The following MARCHF1 variants were observed in gnomAD, a reference collection of about 807,000 sequenced individuals.
The protein encoded by MARCHF1 is E3 ubiquitin-protein ligase MARCHF1.
MARCHF1 carries 40 observed loss-of-function variants against 54.2 expected under a neutral mutation model. The ratio of observed to expected loss-of-function variants is 0.74; its 90% CI spans 0.57 to 0.96. The LOEUF is 0.96. Ranked by LOEUF, MARCHF1 falls within the 40% of genes least tolerant of loss-of-function variation. The pLI, the probability that MARCHF1 is intolerant of heterozygous loss-of-function variation, is 0.00. For missense variants in MARCHF1, 586 were observed against 656.5 expected, an observed-to-expected ratio of 0.89 and a Z score of 1.17; for synonymous variants, 236 against 236.3, an observed-to-expected ratio of 1.00 and a Z score of 0.01.
rs948562610 is a variant in MARCHF1, at chr4:163,654,015, T to C, written c.163-40622A>G. 4.0e-5 allele frequency among the ~76,000 whole-genome samples: 6 copies of C among 151,640 alleles called. No homozygotes were observed. The East Asian group carries it at 9.7e-4, about 25-fold the overall frequency. On this transcript the variant is annotated intron_variant, in intron 5 of 9. Coordinates refer to ENST00000514618, the MANE Select transcript of MARCHF1 (RefSeq NM_001394959.1). ...ATATTAGAGTTCAGAAAGGTAAAGA[T>C]AAATCATTAAGAACCACCATGAATA...
chr4:163,777,910 TC>T (rs1421960295), intron 4 of MARCHF1, among the ~76,000 whole-genome samples: 2 of 152,160 alleles, frequency 1.3e-5, no homozygotes, highest in Admixed American at 1.3e-4. Context: ...CCCTGGGGTT[TC>T]TTTGCAGTCA....
intron 4 of MARCHF1, among the ~76,000 whole-genome samples, chr4:163,807,385 AGCAAC>A (rs1326384186): frequency 6.6e-6 from 1 of 152,184 alleles, no homozygotes; most frequent in Non-Finnish European, 1.5e-5. Flanking sequence ...CTGTTTTGGA[AGCAAC>A]TTAATACTTT....
intron 1 of MARCHF1, among the ~76,000 whole-genome samples, chr4:164,132,932 A>T (rs1756332057): frequency 6.6e-6 from 1 of 152,104 alleles, no homozygotes; most frequent in South Asian, 2.1e-4. Flanking sequence ...CTGTGTCATA[A>T]ATTTATCCAG....
intron 3 of MARCHF1, among the ~76,000 whole-genome samples, chr4:163,896,874 C>G (rs1421405589): frequency 6.6e-6 from 1 of 152,132 alleles, no homozygotes; most frequent in Non-Finnish European, 1.5e-5. Context: ...CCCGCTTCCT[C>G]TCTAAAACTC....
rs557327422 is a variant in MARCHF1, at chr4:163,590,930, G to A, written c.1011-5001C>T. Among the ~76,000 whole-genome samples the A allele has an allele frequency of 2.5e-4, 38 of 151,900 alleles. 1 individual carries two copies. Among genetic ancestry groups the A allele is most frequent in the Middle Eastern group, 3.4e-3 (1 of 294 alleles). On this transcript the variant is annotated intron_variant, in intron 7 of 9. Coordinates refer to ENST00000514618, the MANE Select transcript of MARCHF1 (RefSeq NM_001394959.1). The stretch of plus-strand genomic sequence containing the variant: ...TATTTGTAGTTCCGCCCATCTATAC[G>A]TGTTAAATTACTTAATCTCTGTGTT...
chr4:164,289,712 A>T (rs1734242045), intron 1 of MARCHF1, among the ~76,000 whole-genome samples: 1 of 151,976 alleles, frequency 6.6e-6, no homozygotes, highest in Non-Finnish European at 1.5e-5. Context: ...GGCTATGAGT[A>T]TACAAGTCTC....
At chr4:164,381,354 A>ATTATATCTATTTATAATATGAC (rs1356666717) in intron 1 of MARCHF1, among the ~76,000 whole-genome samples, 6 of 152,198 alleles carry the variant, frequency 3.9e-5, no homozygotes, top group Non-Finnish European at 8.8e-5. Context: ...AATAAGTCAA[A>ATTATATCTATTTATAATATGAC]TTATATCTAT....
chr4:164,115,400 T>C (rs530052368), intron 1 of MARCHF1, among the ~76,000 whole-genome samples: 1 of 152,168 alleles, frequency 6.6e-6, no homozygotes, highest in South Asian at 2.1e-4. Flanking sequence ...ACACATAATA[T>C]ACATAATTTT....
intron 4 of MARCHF1, among the ~76,000 whole-genome samples, chr4:163,705,457 A>G (rs977930016): frequency 1.1e-4 from 17 of 152,100 alleles, no homozygotes; most frequent in Admixed American, 2.0e-4. Flanking sequence ...TTGATACATG[A>G]GCAGTGTATC....
chr4:163,767,159 T>A (rs1387049812), intron 4 of MARCHF1, among the ~76,000 whole-genome samples: 3 of 148,864 alleles, frequency 2.0e-5, no homozygotes, highest in Non-Finnish European at 4.4e-5. Context: ...GTGTTAGAGA[T>A]CTGCCTGACT....
At chr4:164,236,278 A>T (rs1301600180) in intron 1 of MARCHF1, among the ~76,000 whole-genome samples, 4 of 152,096 alleles carry the variant, frequency 2.6e-5, no homozygotes, top group Non-Finnish European at 5.9e-5. Flanking sequence ...CCATTAATAA[A>T]TCAATATATA....
At chr4:164,300,882 GC>G (rs1468803831) in intron 1 of MARCHF1, among the ~76,000 whole-genome samples, 1 of 152,074 alleles carries the variant, frequency 6.6e-6, no homozygotes. Context: ...TTACCCATTT[GC>G]CCAGTCTCAT....
intron 2 of MARCHF1, among the ~76,000 whole-genome samples, chr4:164,086,592 G>T (rs1560897413): frequency 6.6e-6 from 1 of 151,914 alleles, no homozygotes; most frequent in Non-Finnish European, 1.5e-5. Flanking sequence ...CAAATGTTCA[G>T]ATTGGTAGGA....
intron 1 of MARCHF1, among the ~76,000 whole-genome samples, chr4:164,361,404 G>A (rs1260758622): frequency 2.6e-5 from 4 of 152,044 alleles, no homozygotes; most frequent in Non-Finnish European, 5.9e-5. Context: ...GCTAATATAT[G>A]AATCAGTACA....
At chr4:163,865,289 C>G in intron 3 of MARCHF1, among the ~76,000 whole-genome samples, 1 of 151,798 alleles carries the variant, frequency 6.6e-6, no homozygotes, top group East Asian at 1.9e-4. Context: ...ACAGCTTTCT[C>G]CAGTGTGAAA....
intron 4 of MARCHF1, among the ~76,000 whole-genome samples, chr4:163,821,888 C>A (rs373107831): frequency 3.0e-4 from 45 of 151,148 alleles, no homozygotes; most frequent in Admixed American, 9.2e-4. Flanking sequence ...TTTGGTGTCA[C>A]AAAACACAAA....
chr4:164,003,418 G>A (rs1470748592), intron 2 of MARCHF1, among the ~76,000 whole-genome samples: 1 of 151,956 alleles, frequency 6.6e-6, no homozygotes, highest in East Asian at 1.9e-4. Flanking sequence ...TAAAGCAGAA[G>A]CAAACTACAG....
intron 4 of MARCHF1, among the ~76,000 whole-genome samples, chr4:163,719,291 T>G (rs1007891232): frequency 1.3e-5 from 2 of 152,150 alleles, no homozygotes; most frequent in Non-Finnish European, 2.9e-5. Flanking sequence ...TTTGGTTTTT[T>G]GTTCTTGCGA....
chr4:163,873,039 G>A (rs1021154785), intron 3 of MARCHF1, among the ~76,000 whole-genome samples: 5 of 145,954 alleles, frequency 3.4e-5, no homozygotes, highest in African/African-American at 1.3e-4. Flanking sequence ...GCGAGACTCC[G>A]TCTCAAAAAA....
Sources: allele counts gnomAD v4.1 joint callset (sites outside exome capture counted in the v4.1 genomes callset), GRCh38; gene constraint gnomAD v4.1.1; transcripts MANE v1.5; gene names NCBI Gene and HGNC (gene_info 2026-07-23, HGNC 2026-07-21).